UBE3D: variants seen among roughly 807,000 people sequenced by gnomAD.
UBE3D encodes the protein ubiquitin protein ligase E3D, also known as E3 ubiquitin-protein ligase E3D.
A neutral mutation model predicts 49.6 loss-of-function variants in UBE3D; 48 were observed. That is an observed-to-expected ratio of 0.97 (90% confidence interval 0.77 to 1.23). The LOEUF (loss-of-function observed/expected upper bound fraction) is 1.23, where lower values mean the gene tolerates loss of function less well. Among genes scored for constraint, UBE3D ranks in the 50% most tolerant of loss-of-function variants. The pLI is 0.00. For missense variants in UBE3D, 452 were observed against 468.4 expected (o/e 0.96, Z 0.32); for synonymous variants, 189 against 174.2 (o/e 1.08, Z -0.67).
intron 9 of UBE3D, among the ~76,000 whole-genome samples, chr6:82,934,017 C>T (rs1297598119): frequency 2.0e-5 from 3 of 152,160 alleles, no homozygotes; most frequent in Non-Finnish European, 4.4e-5. Context: ...ATTGTAATCC[C>T]CATAATCCCC....
chr6:82,959,495 C>T (rs55732053), intron 8 of UBE3D, among the ~76,000 whole-genome samples: 3 of 151,958 alleles, frequency 2.0e-5, no homozygotes, highest in Non-Finnish European at 4.4e-5. Flanking sequence ...AACACCCAAG[C>T]TCTTCCTTGC....
intron 2 of UBE3D, among the ~76,000 whole-genome samples, chr6:83,056,412 C>A (rs1783818947): frequency 6.6e-6 from 1 of 152,186 alleles, no homozygotes; most frequent in Admixed American, 6.5e-5. Context: ...AACATCCAGC[C>A]TCCCATGGCC....
At chr6:83,010,509 A>G (rs1032909878) in intron 8 of UBE3D, among the ~76,000 whole-genome samples, 1 of 152,244 alleles carries the variant, frequency 6.6e-6, no homozygotes, top group African/African-American at 2.4e-5. Context: ...TTTAAAAAGT[A>G]AATATAGCAA....
chr6:82,966,750 G>A (rs1776967061), intron 8 of UBE3D, among the ~76,000 whole-genome samples: 1 of 150,800 alleles, frequency 6.6e-6, no homozygotes, highest in African/African-American at 2.4e-5. Flanking sequence ...AAAAGAATTT[G>A]TGGAAAAATT....
chr6:82,904,700 T>TGTTTAATTGTTTATTTTTAAAGGAGAA (rs1771974461), intron 9 of UBE3D, among the ~76,000 whole-genome samples: 1 of 152,198 alleles, frequency 6.6e-6, no homozygotes, highest in Admixed American at 6.6e-5. Flanking sequence ...AACAAATTCA[T>TGTTTAATTGTTTATTTTTAAAGGAGAA]GTTTAATTGT....
chr6:82,883,027 A>G, the UBE3D span, among the ~76,000 whole-genome samples: 1 of 152,224 alleles, frequency 6.6e-6, no homozygotes, highest in South Asian at 2.1e-4. Flanking sequence ...GTCAAGAAAC[A>G]GTCAGGACAT....
intron 3 of UBE3D, among the ~76,000 whole-genome samples, chr6:83,046,693 C>G (rs920243911): frequency 1.5e-5 from 2 of 136,618 alleles, no homozygotes; most frequent in Non-Finnish European, 3.1e-5. Flanking sequence ...GGCGGTGGCA[C>G]CGGGGGAGCA....
chr6:83,030,341 T>A (rs1326055650), intron 5 of UBE3D, among the ~76,000 whole-genome samples: 1 of 152,152 alleles, frequency 6.6e-6, no homozygotes, highest in Non-Finnish European at 1.5e-5. Flanking sequence ...GGGGGCATGT[T>A]TTTCCCATAT....
In UBE3D at chr6:82,962,728, C is replaced by T. The variant is rs144703834; in HGVS notation, c.1011-5278G>A. ...GGGCCAATAAATGATAGGAAAATCT[C>T]AAGCATGATCTTTACCATCTAAATC... On this transcript the variant is annotated intron_variant, in intron 8 of 9. Coordinates refer to ENST00000369747, the MANE Select transcript of UBE3D (RefSeq NM_198920.3). Among the ~76,000 whole-genome samples, 89 of 152,276 alleles carry T rather than the reference C, an allele frequency of 5.8e-4. 1 individual carries two copies. Among genetic ancestry groups the T allele is most frequent in the African/African-American group, 1.9e-3 (77 of 41,570 alleles).
the UBE3D span, among the ~76,000 whole-genome samples, chr6:82,881,372 A>G: frequency 6.6e-6 from 1 of 152,138 alleles, no homozygotes; most frequent in African/African-American, 2.4e-5. Flanking sequence ...GAAGCAGTCA[A>G]ACTAGAATAA....
intron 9 of UBE3D, among the ~76,000 whole-genome samples, chr6:82,901,040 C>T (rs952632933): frequency 1.4e-4 from 22 of 152,036 alleles, no homozygotes; most frequent in African/African-American, 4.6e-4. Flanking sequence ...GAAAGGTACA[C>T]ACAAAAAGAA....
At chr6:83,007,720 G>A (rs532866072) in intron 8 of UBE3D, among the ~76,000 whole-genome samples, 29 of 152,298 alleles carry the variant, frequency 1.9e-4, no homozygotes, top group African/African-American at 6.5e-4. Context: ...TGAGGTGGGT[G>A]AATCACTTGA....
At chr6:82,985,952 G>C (rs1778459238) in intron 8 of UBE3D, among the ~76,000 whole-genome samples, 1 of 151,938 alleles carries the variant, frequency 6.6e-6, no homozygotes, top group Non-Finnish European at 1.5e-5. Context: ...ATCTGATAGG[G>C]CTAGTCCTTG....
chr6:82,882,968 G>C, the UBE3D span, among the ~76,000 whole-genome samples: 1 of 152,026 alleles, frequency 6.6e-6, no homozygotes, highest in Non-Finnish European at 1.5e-5. Flanking sequence ...TGTCATCTTT[G>C]GAATTAATAA....
intron 3 of UBE3D, among the ~76,000 whole-genome samples, chr6:83,049,239 A>G (rs752826417): frequency 2.0e-5 from 3 of 152,214 alleles, no homozygotes; most frequent in Non-Finnish European, 4.4e-5. Flanking sequence ...TGATAATAAC[A>G]ATGGTAATAA....
In UBE3D at chr6:82,986,585, T is replaced by C. The variant is rs139407660; in HGVS notation, c.1011-29135A>G. Among the ~76,000 whole-genome samples the C allele has an allele frequency of 5.6e-3, 843 of 150,130 alleles. 34 individuals carry two copies. The highest frequency in any genetic ancestry group is 0.048 in the Admixed American group (730 of 15,060). On this transcript the variant is annotated intron_variant, in intron 8 of 9. Coordinates refer to ENST00000369747, the MANE Select transcript of UBE3D (RefSeq NM_198920.3). ...AGTTAAGTTTCAGCATTTTAATTTCTGTGTTATTGTACATGGGGTCTTCCA... is the reference window on the plus strand; with the variant it reads ...AGTTAAGTTTCAGCATTTTAATTTCCGTGTTATTGTACATGGGGTCTTCCA...
At chr6:82,922,559 T>C (rs1163015743) in intron 9 of UBE3D, among the ~76,000 whole-genome samples, 3 of 152,160 alleles carry the variant, frequency 2.0e-5, no homozygotes, top group Non-Finnish European at 4.4e-5. Flanking sequence ...ACCCCTTCCT[T>C]ACACCTTATA....
intron 8 of UBE3D, among the ~76,000 whole-genome samples, chr6:82,985,789 T>C (rs1778443833): frequency 6.6e-6 from 1 of 152,212 alleles, no homozygotes; most frequent in Non-Finnish European, 1.5e-5. Context: ...AAATTCTACA[T>C]TTCCTCACTG....
In UBE3D at chr6:82,982,158, C is replaced by T. The variant is rs183334421; in HGVS notation, c.1011-24708G>A. On this transcript the variant is annotated intron_variant, in intron 8 of 9. Coordinates refer to ENST00000369747, the MANE Select transcript of UBE3D (RefSeq NM_198920.3). The stretch of plus-strand genomic sequence containing the variant: ...CCCAGCTTCATCAACAATCAATTCA[C>T]GGCTAACTTGTTTCAGCTATATTCC... Among the ~76,000 whole-genome samples, 41 of 152,266 alleles carry T rather than the reference C, an allele frequency of 2.7e-4. No homozygotes were observed. The East Asian group carries it at 5.6e-3, about 21-fold the overall frequency.
Sources: allele counts gnomAD v4.1 joint callset (sites outside exome capture counted in the v4.1 genomes callset), GRCh38; gene constraint gnomAD v4.1.1; transcripts MANE v1.5; gene names NCBI Gene and HGNC (gene_info 2026-07-23, HGNC 2026-07-21).